STPG2: variants seen among roughly 807,000 people sequenced by gnomAD.
STPG2 encodes sperm-tail PG-rich repeat-containing protein 2.
A neutral mutation model predicts 54.2 loss-of-function variants in STPG2; 56 were observed. That is an observed-to-expected ratio of 1.03 (90% CI 0.83 to 1.29). The LOEUF is 1.29. Ranked by LOEUF, STPG2 falls within the 50% of genes most tolerant of loss-of-function variation. The pLI, the probability that STPG2 is intolerant of heterozygous loss-of-function variation, is 0.00. For synonymous variants in STPG2, 200 were observed against 181.8 expected, an observed-to-expected ratio of 1.10 and a Z score of -0.81; for missense variants, 596 against 544.9, an observed-to-expected ratio of 1.09 and a Z score of -0.93.
intron 10 of STPG2, among the ~76,000 whole-genome samples, chr4:97,711,766 TCCAAGCGATTCTCCTGCCCCAGCCTC>T (rs928837340): frequency 6.6e-6 from 1 of 150,686 alleles, no homozygotes; most frequent in Non-Finnish European, 1.5e-5. Context: ...GCCTCCCAGA[TCCAAGCGATTCTCCTGCCCCAGCCTC>T]CCGAGTAGCT....
chr4:98,091,402 G>T (rs751975968), intron 5 of STPG2, among the ~76,000 whole-genome samples: 1 of 151,906 alleles, frequency 6.6e-6, no homozygotes, highest in Non-Finnish European at 1.5e-5. Context: ...TCACACCTTC[G>T]TGGCTTTACA....
intron 10 of STPG2, among the ~76,000 whole-genome samples, chr4:97,563,020 C>T (rs1297679525): frequency 1.3e-5 from 2 of 152,082 alleles, no homozygotes; most frequent in African/African-American, 4.8e-5. Flanking sequence ...AGGAATGGTA[C>T]CAGTTCCTCC....
At chr4:97,613,970 C>G (rs908282596) in intron 10 of STPG2, among the ~76,000 whole-genome samples, 4 of 151,924 alleles carry the variant, frequency 2.6e-5, no homozygotes, top group African/African-American at 9.7e-5. Flanking sequence ...TCATCTACAG[C>G]TACAACTAAT....
intron 7 of STPG2, among the ~76,000 whole-genome samples, chr4:97,947,370 T>A (rs1240959198): frequency 6.6e-6 from 1 of 152,166 alleles, no homozygotes; most frequent in Admixed American, 6.5e-5. Context: ...TTTTACTTCC[T>A]TTTTTGCAAT....
intron 10 of STPG2, among the ~76,000 whole-genome samples, chr4:97,663,582 A>C (rs1233945983): frequency 6.6e-6 from 1 of 152,188 alleles, no homozygotes; most frequent in African/African-American, 2.4e-5. Flanking sequence ...TGAATTAAAA[A>C]CTTCTGAAAA....
intron 8 of STPG2, among the ~76,000 whole-genome samples, chr4:97,869,060 T>G (rs530596368): frequency 2.4e-4 from 36 of 151,942 alleles, no homozygotes; most frequent in Middle Eastern, 3.4e-3. Context: ...CAACAGATGT[T>G]AGGACCAGAA....
chr4:97,540,378 A>C (rs1156247553), intron 4 of STPG2, among the ~76,000 whole-genome samples: 1 of 152,226 alleles, frequency 6.6e-6, no homozygotes, highest in Non-Finnish European at 1.5e-5. Context: ...AATGTAGAAG[A>C]AATGGATAAA....
intron 1 of STPG2, among the ~76,000 whole-genome samples, chr4:98,137,855 C>A (rs1215788379): frequency 6.6e-6 from 1 of 151,772 alleles, no homozygotes; most frequent in Admixed American, 6.6e-5. Context: ...CTCATAAAAT[C>A]TTCATTGAAG....
chr4:97,934,981 G>A (rs966686936), intron 8 of STPG2, among the ~76,000 whole-genome samples: 3 of 152,178 alleles, frequency 2.0e-5, no homozygotes, highest in South Asian at 4.1e-4. Flanking sequence ...GAATTCATCT[G>A]ATACTGGGCG....
chr4:97,906,451 G>C (rs1259228905), intron 8 of STPG2, among the ~76,000 whole-genome samples: 1 of 152,138 alleles, frequency 6.6e-6, no homozygotes, highest in Non-Finnish European at 1.5e-5. Context: ...GGAGGAGCTG[G>C]TACCATTCCT....
At chr4:97,795,252 T>A (rs1465666671) in intron 9 of STPG2, among the ~76,000 whole-genome samples, 2 of 152,318 alleles carry the variant, frequency 1.3e-5, no homozygotes, top group East Asian at 3.9e-4. Context: ...CACGTGCAGG[T>A]TTGTTACATA....
chr4:97,677,988 A>G (rs1722901531), intron 10 of STPG2, among the ~76,000 whole-genome samples: 1 of 152,162 alleles, frequency 6.6e-6, no homozygotes, highest in South Asian at 2.1e-4. Context: ...TGAAAAACCT[A>G]TATATACATC....
intron 5 of STPG2, among the ~76,000 whole-genome samples, chr4:98,001,834 T>G (rs760910168): frequency 6.6e-6 from 1 of 152,114 alleles, no homozygotes; most frequent in Non-Finnish European, 1.5e-5. Flanking sequence ...GTTACAAACA[T>G]TGGCAACTAA....
Position 98,128,638 on chromosome 4 carries a change from G to T in STPG2, c.223-46C>A, listed in dbSNP as rs758181189. On this transcript the variant is annotated intron_variant, in intron 2 of 10. Coordinates refer to ENST00000295268, the MANE Select transcript of STPG2 (RefSeq NM_174952.3). ...ATTATTTATTCCAAGGCAAGAGGAA[G>T]GGGAATGAAGAACCAAATATTAAAA... The T allele has an allele frequency of 2.8e-6, 4 of 1,417,746 alleles. No individual in the cohort carries two copies. In the South Asian group the frequency reaches 6.3e-5, roughly 22 times the overall value. 87.8% of individuals were successfully genotyped at this position (1,417,746 alleles called of 1,614,324 possible). A position where few individuals can be genotyped will look rare whatever the true frequency, so the allele number is the denominator to read the frequency against.
At chr4:97,652,511 A>G (rs1001898294) in intron 10 of STPG2, among the ~76,000 whole-genome samples, 1 of 151,908 alleles carries the variant, frequency 6.6e-6, no homozygotes, top group African/African-American at 2.4e-5. Context: ...TTAGATTATG[A>G]TGTATGATAT....
chr4:97,942,446 C>T (rs1295393841), intron 8 of STPG2, among the ~76,000 whole-genome samples: 1 of 151,896 alleles, frequency 6.6e-6, no homozygotes, highest in Admixed American at 6.6e-5. Context: ...TTAAAAATTA[C>T]TCAGAATCTA....
intron 9 of STPG2, among the ~76,000 whole-genome samples, chr4:97,754,343 T>C (rs906160009): frequency 6.6e-6 from 1 of 152,096 alleles, no homozygotes; most frequent in African/African-American, 2.4e-5. Context: ...CAAGGAAAAC[T>C]CTGTAATGCC....
intron 10 of STPG2, among the ~76,000 whole-genome samples, chr4:97,609,580 G>A (rs1015180895): frequency 6.6e-6 from 1 of 151,998 alleles, no homozygotes; most frequent in African/African-American, 2.4e-5. Flanking sequence ...GTTCACAGAT[G>A]AAAGGAAGAA....
chr4:97,548,372 A>T (rs1731891959), intron 4 of STPG2, among the ~76,000 whole-genome samples: 1 of 152,132 alleles, frequency 6.6e-6, no homozygotes, highest in Non-Finnish European at 1.5e-5. Flanking sequence ...GAAACAAAAC[A>T]AAAAATGGAG....
Sources: allele counts gnomAD v4.1 joint callset (sites outside exome capture counted in the v4.1 genomes callset), GRCh38; gene constraint gnomAD v4.1.1; transcripts MANE v1.5; gene names NCBI Gene and HGNC (gene_info 2026-07-23, HGNC 2026-07-21).